The following DIP2C variants were observed in gnomAD, a reference collection of about 807,000 sequenced individuals.
DIP2C encodes disco-interacting protein 2 homolog C.
In DIP2C, 33 loss-of-function variants were observed where a neutral mutation model predicts 192.4. The ratio of observed to expected loss-of-function variants is 0.17; its 90% confidence interval spans 0.13 to 0.23. DIP2C has a LOEUF of 0.23. Ranked by LOEUF, DIP2C falls within the 10% of genes least tolerant of loss-of-function variation. The pLI, the probability that DIP2C is intolerant of heterozygous loss-of-function variation, is 1.00. For synonymous variants in DIP2C, 979 were observed against 864.1 expected, an observed-to-expected ratio of 1.13 and a Z score of -2.33; for missense variants, 1,537 against 2,110.1, an observed-to-expected ratio of 0.73 and a Z score of 5.32.
At chr10:506,007 T>A (rs572327004) in intron 1 of DIP2C, among the ~76,000 whole-genome samples, 1 of 151,840 alleles carries the variant, frequency 6.6e-6, no homozygotes, top group East Asian at 1.9e-4. Context: ...GGAACGCAGG[T>A]GACAAAAGGA....
At chr10:409,139 T>A in intron 8 of DIP2C, 122 bp from the exon 9 acceptor site, 1 of 889,922 alleles carries the variant, frequency 1.1e-6, no homozygotes, top group Non-Finnish European at 1.7e-6. Flanking sequence ...TGCAAGCGAC[T>A]TGAAGTGGGG....
At chr10:344,756 C>T (rs1231666225) in intron 28 of DIP2C, 53 bp downstream of exon 28, 6 of 1,488,190 alleles carry the variant, frequency 4.0e-6, no homozygotes, top group East Asian at 4.8e-5. Context: ...CTGCCACCTC[C>T]AGCACGCTCC....
At chr10:579,298 TAC>T (rs953832936) in intron 1 of DIP2C, among the ~76,000 whole-genome samples, 7 of 152,076 alleles carry the variant, frequency 4.6e-5, no homozygotes, top group South Asian at 2.1e-4. Context: ...TCATGTAGTG[TAC>T]ACACATAGGT....
At chr10:453,351 A>G (rs1969007964) in intron 3 of DIP2C, among the ~76,000 whole-genome samples, 2 of 152,252 alleles carry the variant, frequency 1.3e-5, no homozygotes, top group South Asian at 2.1e-4. Flanking sequence ...GCAGGATTGC[A>G]GCGGAGTCAA....
intron 1 of DIP2C, among the ~76,000 whole-genome samples, chr10:576,291 C>G (rs1175159140): frequency 6.6e-6 from 1 of 152,318 alleles, no homozygotes; most frequent in East Asian, 1.9e-4. Context: ...AGGCAAACGC[C>G]ACAGACCACA....
chr10:415,673 C>G, intron 7 of DIP2C, 96 bp downstream of exon 7: 1 of 1,520,708 alleles, frequency 6.6e-7, no homozygotes, highest in Non-Finnish European at 8.9e-7. Context: ...ACGATTACTG[C>G]TCTTAAAAAG....
At chr10:306,671 C>T (rs1956339853) in intron 32 of DIP2C, among the ~76,000 whole-genome samples, 1 of 152,320 alleles carries the variant, frequency 6.6e-6, no homozygotes, top group Middle Eastern at 3.4e-3. Context: ...CACTGCCTCC[C>T]GACTGCTGGC....
At chr10:296,431 C>T (rs978671098) in intron 32 of DIP2C, among the ~76,000 whole-genome samples, 11 of 152,082 alleles carry the variant, frequency 7.2e-5, no homozygotes, top group African/African-American at 2.7e-4. Flanking sequence ...CACTTTTACA[C>T]TGTTGGTGGG....
Position 390,254 on chromosome 10 carries a change from G to A in DIP2C, c.1494+10C>T. The A allele has an allele frequency of 6.2e-7, 1 of 1,613,016 alleles. No individual in the cohort carries two copies. Among genetic ancestry groups the A allele is most frequent in the Non-Finnish European group, 8.5e-7 (1 of 1,179,112 alleles). On this transcript the variant is annotated intron_variant, in intron 12 of 36. Coordinates refer to ENST00000280886, the MANE Select transcript of DIP2C (RefSeq NM_014974.3). ...CTCAGGGCCAGTGGAGGAGGCCAAG[G>A]CTGACTCACCTCAATATACGCAGTG... is the stretch of plus-strand genomic sequence containing the variant.
chr10:510,006 G>C (rs1473903844), intron 1 of DIP2C, among the ~76,000 whole-genome samples: 1 of 152,224 alleles, frequency 6.6e-6, no homozygotes, highest in Non-Finnish European at 1.5e-5. Context: ...CAGGAACCAC[G>C]GGGTGCAGCG....
At chr10:436,837 C>G (rs1967270105) in intron 4 of DIP2C, among the ~76,000 whole-genome samples, 1 of 144,662 alleles carries the variant, frequency 6.9e-6, no homozygotes. Flanking sequence ...CCACCCACAC[C>G]TGAGCTCTCT....
chr10:521,479 G>GC (rs897549559), intron 1 of DIP2C, among the ~76,000 whole-genome samples: 21 of 152,142 alleles, frequency 1.4e-4, no homozygotes, highest in Admixed American at 5.9e-4. Context: ...CTTCCTCTCT[G>GC]CCCCCCAAAG....
intron 32 of DIP2C, among the ~76,000 whole-genome samples, chr10:297,369 T>C (rs535760703): frequency 6.6e-5 from 10 of 151,906 alleles, no homozygotes; most frequent in African/African-American, 1.5e-4. Flanking sequence ...GGAGAGACAT[T>C]TGCACTCCTC....
chr10:372,596 T>TA (rs1374282007), intron 17 of DIP2C, among the ~76,000 whole-genome samples: 3 of 152,216 alleles, frequency 2.0e-5, no homozygotes, highest in East Asian at 1.9e-4. Flanking sequence ...TAGATTCCCT[T>TA]GCTAGTCGGA....
At chr10:357,682 G>A (rs754530042) in intron 23 of DIP2C, 146 bp downstream of exon 23, 11 of 583,092 alleles carry the variant, frequency 1.9e-5, no homozygotes, top group African/African-American at 1.1e-4. Flanking sequence ...GGGGACTGTC[G>A]GGGACGGTTG....
chr10:408,556 A>T (rs1437035400), intron 9 of DIP2C, among the ~76,000 whole-genome samples: 1 of 152,198 alleles, frequency 6.6e-6, no homozygotes, highest in African/African-American at 2.4e-5. Context: ...TGGAGCTCTA[A>T]ATGATGTCTT....
chr10:435,880 G>A (rs1034975480), intron 4 of DIP2C, among the ~76,000 whole-genome samples: 1 of 152,082 alleles, frequency 6.6e-6, no homozygotes, highest in African/African-American at 2.4e-5. Context: ...GTCTTTTGCT[G>A]TATCAGACAT....
At chr10:444,908 G>T in intron 3 of DIP2C, among the ~76,000 whole-genome samples, 1 of 152,166 alleles carries the variant, frequency 6.6e-6, no homozygotes, top group Non-Finnish European at 1.5e-5. Context: ...CTTTTACACG[G>T]ACACACATTT....
chr10:487,517 C>T (rs117844984), intron 1 of DIP2C, among the ~76,000 whole-genome samples: 1,552 of 149,780 alleles, frequency 0.01, 12 homozygotes, highest in Middle Eastern at 0.014. Flanking sequence ...CGTCTCAACA[C>T]GGAGCCAAGA....
Sources: gnomAD v4.1 joint callset for allele counts (sites outside exome capture counted in the v4.1 genomes callset) on GRCh38, gnomAD v4.1.1 for gene constraint, MANE v1.5 for transcripts, NCBI Gene and HGNC (gene_info 2026-07-23, HGNC 2026-07-21) for gene names.